Variants in SV2C observed in about 807,000 individuals in gnomAD.
SV2C encodes solute carrier family 22 member B3.
In SV2C, 49 loss-of-function variants were observed where a neutral mutation model predicts 79.7. The observed-to-expected ratio is 0.61, with a 90% CI of 0.49 to 0.78. The LOEUF is 0.78. Ranked by LOEUF, SV2C falls within the 30% of genes least tolerant of loss-of-function variation. SV2C has a pLI of 0.00. For missense variants in SV2C, 833 were observed against 912.9 expected, an observed-to-expected ratio of 0.91 and a Z score of 1.13; for synonymous variants, 334 against 333.2, an observed-to-expected ratio of 1.00 and a Z score of -0.03.
the SV2C span, among the ~76,000 whole-genome samples, chr5:75,891,807 T>C: frequency 6.6e-6 from 1 of 152,128 alleles, no homozygotes; most frequent in Non-Finnish European, 1.5e-5. Flanking sequence ...AATTGAATTG[T>C]AGAGTAAATT....
chr5:76,328,865 A>C lies in SV2C; in HGVS notation c.*3318A>C, dbSNP rs1162175766. On this transcript the variant is annotated 3_prime_UTR_variant, in exon 13 of 13. Coordinates refer to ENST00000502798, the MANE Select transcript of SV2C (RefSeq NM_014979.4). ...CTGCAACCTCCGCCTCCCAGGTTCA[A>C]GTGATTCTCCCACCTCAGCCTCCCA... is the stretch of plus-strand genomic sequence containing the variant. 2 of 151,956 alleles carry C rather than the reference A, an allele frequency of 1.3e-5. No individual in the cohort carries two copies. Among genetic ancestry groups the C allele is most frequent in the African/African-American group, 4.8e-5 (2 of 41,288 alleles). The allele number at this position is 151,956 out of a possible 1,614,324, so 9.4% of individuals were successfully genotyped here.
At chr5:76,207,885 T>C (rs564252806) in intron 3 of SV2C, among the ~76,000 whole-genome samples, 1 of 152,354 alleles carries the variant, frequency 6.6e-6, no homozygotes, top group South Asian at 2.1e-4. Flanking sequence ...AGCTATCCAT[T>C]GTATGAGCTC....
rs1392620055 is a variant in SV2C at position 76,083,440 on chromosome 5, C to A, written c.-174C>A. 1 of 152,430 alleles carries A rather than the reference C, an allele frequency of 6.6e-6. No individual in the cohort carries two copies. The highest frequency in any genetic ancestry group is 2.4e-5 in the African/African-American group (1 of 41,458). The allele number at this position is 152,430 out of a possible 1,614,324, so 9.4% of individuals were successfully genotyped here. ...ACGGAGGCAGCCCGGGGAAGCGAGC[C>A]GGAGCGGCGCCCGCACTGAGGCGGC... On this transcript the variant is annotated 5_prime_UTR_variant, in exon 1 of 13. Transcript: ENST00000502798.
At chr5:75,972,037 CT>C in the SV2C span, among the ~76,000 whole-genome samples, 146 of 152,238 alleles carry the variant, frequency 9.6e-4, 1 homozygote, top group East Asian at 9.6e-4. Context: ...CTACAACTAT[CT>C]GATCTTTGAC....
chr5:76,211,948 T>C (rs539622320), intron 4 of SV2C, among the ~76,000 whole-genome samples: 3 of 152,288 alleles, frequency 2.0e-5, no homozygotes, highest in South Asian at 2.1e-4. Context: ...TTGCTGAACA[T>C]TTACATTGAG....
At chr5:76,186,201 C>T (rs1197067142) in intron 2 of SV2C, among the ~76,000 whole-genome samples, 2 of 152,184 alleles carry the variant, frequency 1.3e-5, no homozygotes, top group East Asian at 3.9e-4. Flanking sequence ...TCTAAGAAGT[C>T]CCAAACCTTC....
At position 76,212,708 on chromosome 5, in the gene SV2C, G is replaced by A. The variant is rs138605149; in HGVS notation, c.913+2821G>A. Among the ~76,000 whole-genome samples the A allele has an allele frequency of 4.6e-5, 7 of 152,126 alleles. No individual in the cohort carries two copies. The East Asian group carries it at 7.7e-4, about 17-fold the overall frequency. ...TGGCTTCTGCAGCCTACGTGTGTCC[G>A]TGTGTCCACCAAGCCCGGGCATGAC... On this transcript the variant is annotated intron_variant, in intron 4 of 12. Transcript: ENST00000502798.
chr5:75,993,883 C>T, the SV2C span, among the ~76,000 whole-genome samples: 1 of 152,006 alleles, frequency 6.6e-6, no homozygotes, highest in Non-Finnish European at 1.5e-5. Context: ...CACATCTTTC[C>T]TGGGCCAATA....
the SV2C span, among the ~76,000 whole-genome samples, chr5:75,867,918 T>A: frequency 6.6e-6 from 1 of 152,200 alleles, no homozygotes; most frequent in East Asian, 1.9e-4. Context: ...GTACTGATGA[T>A]GAAGGCATAA....
intron 4 of SV2C, among the ~76,000 whole-genome samples, chr5:76,268,191 G>A (rs1430591409): frequency 6.6e-6 from 1 of 152,116 alleles, no homozygotes; most frequent in African/African-American, 2.4e-5. Flanking sequence ...TAGACAGAAA[G>A]GAGATAACCT....
chr5:76,240,511 A>T (rs998049063), intron 4 of SV2C, among the ~76,000 whole-genome samples: 5 of 152,216 alleles, frequency 3.3e-5, no homozygotes, highest in African/African-American at 4.8e-5. Context: ...ACTAAAAGAC[A>T]ACAGAAGGCA....
chr5:75,944,760 G>A, the SV2C span, among the ~76,000 whole-genome samples: 53 of 152,190 alleles, frequency 3.5e-4, no homozygotes, highest in East Asian at 3.3e-3. Context: ...CTTGCTTTCC[G>A]GAGAGTGTGG....
At chr5:76,184,222 G>C (rs1373908077) in intron 2 of SV2C, among the ~76,000 whole-genome samples, 1 of 152,122 alleles carries the variant, frequency 6.6e-6, no homozygotes, top group African/African-American at 2.4e-5. Context: ...TGATTCCAGT[G>C]AGCAGCCAGA....
the SV2C span, among the ~76,000 whole-genome samples, chr5:75,944,450 C>G: frequency 6.6e-6 from 1 of 152,018 alleles, no homozygotes; most frequent in South Asian, 2.1e-4. Context: ...CTGTGCTCAC[C>G]AAGATGGAGT....
the SV2C span, among the ~76,000 whole-genome samples, chr5:76,043,442 T>G: frequency 6.6e-6 from 1 of 152,230 alleles, no homozygotes; most frequent in Non-Finnish European, 1.5e-5. Context: ...AAGTCACTCA[T>G]AGCTAGTAAC....
chr5:76,300,976 A>C lies in SV2C; in HGVS notation c.1840+44A>C, dbSNP rs146316752. On this transcript the variant is annotated intron_variant, in intron 11 of 12. Coordinates refer to ENST00000502798, the MANE Select transcript of SV2C (RefSeq NM_014979.4). ...GTCAAATAAAAGAGCTGCCCCTGCA[A>C]TCCAGAGGGACCCTGTTTCCCCCTG... 1.2e-5 allele frequency: 19 copies of C among 1,603,352 alleles called. No homozygotes were observed. The East Asian group carries it at 4.0e-4, about 34-fold the overall frequency.
At chr5:76,229,356 G>A (rs1038971162) in intron 4 of SV2C, among the ~76,000 whole-genome samples, 1 of 152,222 alleles carries the variant, frequency 6.6e-6, no homozygotes, top group African/African-American at 2.4e-5. Flanking sequence ...CCTTCCTTCA[G>A]GCTGGACAAT....
the SV2C span, among the ~76,000 whole-genome samples, chr5:75,977,134 T>C: frequency 6.6e-6 from 1 of 152,130 alleles, no homozygotes; most frequent in African/African-American, 2.4e-5. Flanking sequence ...TAAATAAAAA[T>C]TATGAGGGGC....
At chr5:75,870,408 C>G in the SV2C span, among the ~76,000 whole-genome samples, 1 of 151,286 alleles carries the variant, frequency 6.6e-6, no homozygotes, top group Non-Finnish European at 1.5e-5. Flanking sequence ...AAGAATTGAT[C>G]AAGCAGAAGA....
Sources: allele counts gnomAD v4.1 joint callset (sites outside exome capture counted in the v4.1 genomes callset), GRCh38; gene constraint gnomAD v4.1.1; transcripts MANE v1.5; gene names NCBI Gene and HGNC (gene_info 2026-07-23, HGNC 2026-07-21).